The following WDR1 variants were observed in gnomAD, a reference collection of about 807,000 sequenced individuals.
WDR1 encodes the protein WD repeat domain 1, also known as WD repeat-containing protein 1.
A neutral mutation model predicts 71.9 loss-of-function variants in WDR1; 21 were observed. That is an observed-to-expected ratio of 0.29 (90% CI 0.21 to 0.42). WDR1 has a LOEUF of 0.42. Among genes scored for constraint, WDR1 ranks in the 10% least tolerant of loss-of-function variants. The probability of loss-of-function intolerance (pLI) is 1.00; values close to 1 mark genes in which losing one functional copy is unlikely to be tolerated. For missense variants in WDR1, 696 were observed against 824.5 expected (o/e 0.84, Z 1.91); for synonymous variants, 424 against 347.4 (o/e 1.22, Z -2.45).
chr4:10,087,851 G>A lies in WDR1; in HGVS notation c.807C>T (p.Val269=). The A allele has an allele frequency of 6.3e-7, 1 of 1,574,906 alleles. No homozygotes were observed. Among genetic ancestry groups the A allele is most frequent in the Non-Finnish European group, 8.6e-7 (1 of 1,159,392 alleles). ...KIWDVSVNSV[V]STFPMGSTVL... ...CCGTGGAGCCCATGGGAAATGTGCTGACCACGGAGTTCACGCTGACGTCCC... is the reference window on the plus strand; with the variant it reads ...CCGTGGAGCCCATGGGAAATGTGCTAACCACGGAGTTCACGCTGACGTCCC... The change falls in exon 8 of 15, where the codon GTC becomes GTT. Residue 269 remains valine, a synonymous_variant. Transcript: ENST00000499869.
chr4:10,083,696 T>A, intron 9 of WDR1: 1 of 460,806 alleles, frequency 2.2e-6, no homozygotes, highest in South Asian at 1.5e-5. Context: ...GGTGCCATCA[T>A]CAGCAACGTG....
chr4:10,109,265 C>G (rs1294439922), intron 2 of WDR1, among the ~76,000 whole-genome samples: 2 of 152,362 alleles, frequency 1.3e-5, no homozygotes, highest in South Asian at 4.1e-4. Context: ...TGCTGACTCA[C>G]CTGGGTTATG....
chr4:10,102,291 A>T lies in WDR1; in HGVS notation c.229+1605T>A, dbSNP rs184607731. Among the ~76,000 whole-genome samples, 26 of 152,344 alleles carry T rather than the reference A, an allele frequency of 1.7e-4. No homozygotes were observed. The East Asian group carries it at 5.0e-3, about 29-fold the overall frequency. ...TGGGCCCAGGAAGGTGAGTTACTCA[A>T]CTAAGGCTACGCCACCAGTAAGAGG... is the stretch of plus-strand genomic sequence containing the variant. On this transcript the variant is annotated intron_variant, in intron 3 of 14. Transcript: ENST00000499869.
chr4:10,077,775 A>C lies in WDR1; in HGVS notation c.1547T>G (p.Phe516Cys). The change falls in exon 13 of 15, where the codon TTC (phenylalanine) becomes TGC (cysteine). Residue 516 changes from phenylalanine to cysteine, a missense_variant. Physicochemically the swap from Phe to Cys is radical, Grantham distance 205. Transcript: ENST00000499869. ...CACCGAGTAGCCGTCAGCAACGCTGAACACTGTGACCACCTTGCTGGCGTC... is the reference window on the plus strand; with the variant it reads ...CACCGAGTAGCCGTCAGCAACGCTGCACACTGTGACCACCTTGCTGGCGTC... ...VCDASKVVTV[F>C]SVADGYSENN... 6.2e-7 allele frequency: 1 copy of C among 1,600,486 alleles called. No homozygotes were observed.
At chr4:10,096,910 C>T (rs1712381052) in intron 5 of WDR1, among the ~76,000 whole-genome samples, 1 of 152,208 alleles carries the variant, frequency 6.6e-6, no homozygotes, top group Non-Finnish European at 1.5e-5. Flanking sequence ...TCAGCGCAAG[C>T]ACAAGCGGGA....
chr4:10,088,366 A>T lies in WDR1; in HGVS notation c.644T>A (p.Ile215Asn). The T allele has an allele frequency of 6.4e-7, 1 of 1,556,856 alleles. No individual in the cohort carries two copies. ...CTTCTCCCCAGTCTTCCCGTCATAG[A>T]TGTATATCTTCCAAGAAATAAAAAC... ...ATASADGQIY[I>N]YDGKTGEKVC... is the part of the protein sequence containing the mutation. Residue 215 changes from isoleucine to asparagine, a missense_variant, in exon 7 of 15, where the codon ATC becomes AAC. Ile to Asn is a moderately radical substitution (Grantham distance 149). Transcript: ENST00000499869.
rs1392714489 is a variant in WDR1, at chr4:10,114,818, G to A, written c.138+1295C>T. Among the ~76,000 whole-genome samples the A allele has an allele frequency of 2.6e-5, 4 of 152,106 alleles. No homozygotes were observed. In the South Asian group the frequency reaches 6.2e-4, roughly 24 times the overall value. ...GCACCTTCAAAGCACATTCACACCC[G>A]CCCACCCCCTCATTTGAGGGGCCCA... On this transcript the variant is annotated intron_variant, in intron 2 of 14. Coordinates refer to ENST00000499869, the MANE Select transcript of WDR1 (RefSeq NM_017491.5).
rs934058323 is a variant in WDR1 at position 10,116,215 on chromosome 4, G to T, written c.36C>A (p.Leu12=). ...TGGAGACGCCCCTCTCCACCTGCGG[G>T]AGGCTGGCGAACACCTTCTCTGCGG... ...PYEIKKVFAS[L]PQVERGVSKI... is the part of the protein sequence containing the mutation. The change falls in exon 2 of 15, where the codon CTC becomes CTA. Residue 12 remains leucine, a synonymous_variant. Coordinates refer to ENST00000499869, the MANE Select transcript of WDR1 (RefSeq NM_017491.5). 2 of 1,613,514 alleles carry T rather than the reference G, an allele frequency of 1.2e-6. No individual in the cohort carries two copies. The highest frequency in any genetic ancestry group is 2.2e-5 in the East Asian group (1 of 44,896).
At chr4:10,085,830 G>A (rs2109651795) in intron 8 of WDR1, among the ~76,000 whole-genome samples, 1 of 152,348 alleles carries the variant, frequency 6.6e-6, no homozygotes, top group South Asian at 2.1e-4. Flanking sequence ...GCCCAGATCA[G>A]CACCGAACAT....
intron 5 of WDR1, chr4:10,092,425 T>C (rs1712053237): frequency 6.5e-6 from 1 of 152,686 alleles, no homozygotes; most frequent in Non-Finnish European, 1.5e-5. Flanking sequence ...AGCGAGGACA[T>C]TCCTGCTCGC....
chr4:10,075,746 C>T (rs924900519), intron 14 of WDR1: 56 of 550,506 alleles, frequency 1.0e-4, no homozygotes, highest in Middle Eastern at 4.9e-4. Flanking sequence ...CTACAGATGC[C>T]AGTGGCTCCC....
chr4:10,109,717 C>A (rs12498746), intron 2 of WDR1, among the ~76,000 whole-genome samples: 1 of 152,124 alleles, frequency 6.6e-6, no homozygotes, highest in Non-Finnish European at 1.5e-5. Context: ...TCTCCTACTC[C>A]CCACCCAGGG....
chr4:10,080,348 G>A (rs941478288), intron 11 of WDR1, among the ~76,000 whole-genome samples: 1 of 137,614 alleles, frequency 7.3e-6, no homozygotes, highest in African/African-American at 2.6e-5. Flanking sequence ...CTGCTGTGCA[G>A]AGATAGGCCA....
In WDR1 at chr4:10,103,918, G is replaced by A. The variant is rs760768534; in HGVS notation, c.207C>T (p.Ser69=). The A allele has an allele frequency of 2.3e-5, 37 of 1,595,706 alleles. No homozygotes were observed. In the Admixed American group the frequency reaches 5.6e-4, roughly 24 times the overall value. The change falls in exon 3 of 15, where the codon AGC becomes AGT. Residue 69 remains serine, a synonymous_variant. Coordinates refer to ENST00000499869, the MANE Select transcript of WDR1 (RefSeq NM_017491.5). The stretch of plus-strand genomic sequence containing the variant: ...TACCTCCGGAGGCAATGTAGAATCC[G>A]CTGGGCGCATACTTGGCCACCACCA... The part of the protein sequence containing the change: ...HQVVVAKYAP[S]GFYIASGDVS...
chr4:10,104,116 CG>C lies in WDR1; in HGVS notation c.139-131del, dbSNP rs1325214360. ...CTGAAGCTAAAACCGTGAAGAAAAC[CG>C]CAGAAGCATACCACTTGCCTACGTA... On this transcript the variant is annotated intron_variant, in intron 2 of 14. Coordinates refer to ENST00000499869, the MANE Select transcript of WDR1 (RefSeq NM_017491.5). The C allele has an allele frequency of 3.3e-6, 3 of 915,786 alleles. No homozygotes were observed. The East Asian group carries it at 8.0e-5, about 24-fold the overall frequency. 56.7% of individuals were successfully genotyped at this position (915,786 alleles called of 1,614,324 possible).
intron 11 of WDR1, among the ~76,000 whole-genome samples, chr4:10,079,300 C>G (rs1373127201): frequency 6.6e-6 from 1 of 152,196 alleles, no homozygotes; most frequent in Admixed American, 6.5e-5. Flanking sequence ...CACTTGGCCT[C>G]GATGGGAATC....
chr4:10,100,429 C>T (rs925165971), intron 3 of WDR1, among the ~76,000 whole-genome samples: 5 of 152,230 alleles, frequency 3.3e-5, no homozygotes, highest in African/African-American at 1.2e-4. Flanking sequence ...AGCAAGAGCT[C>T]GTTACGAGTC....
Position 10,097,868 on chromosome 4 carries a change from T to A in WDR1, c.401A>T (p.Asp134Val). Residue 134 changes from aspartate to valine, a missense_variant, in exon 5 of 15, where the codon GAT (aspartate) becomes GTT (valine). Coordinates refer to ENST00000499869, the MANE Select transcript of WDR1 (RefSeq NM_017491.5). ...REKFGAVFLW[D>V]SGSSVGEITG... is the part of the protein sequence containing the mutation. The stretch of plus-strand genomic sequence containing the variant: ...AATCTCGCCCACAGAAGAGCCACTA[T>A]CCCAGAGGAAGACTGCTCCAAACCT... 1 of 1,593,638 alleles carries A rather than the reference T, an allele frequency of 6.3e-7. No individual in the cohort carries two copies.
At chr4:10,093,633 C>T (rs1015537768) in intron 5 of WDR1, among the ~76,000 whole-genome samples, 2 of 152,222 alleles carry the variant, frequency 1.3e-5, no homozygotes, top group African/African-American at 4.8e-5. Context: ...CCTAACTAAC[C>T]GTCCTTGGGG....
Sources: allele counts gnomAD v4.1 joint callset (sites outside exome capture counted in the v4.1 genomes callset), GRCh38; gene constraint gnomAD v4.1.1; transcripts MANE v1.5; gene names NCBI Gene and HGNC (gene_info 2026-07-23, HGNC 2026-07-21).